Variants in RAP1B observed in about 807,000 individuals in gnomAD.
The protein encoded by RAP1B is ras-related protein Rap-1b.
A neutral mutation model predicts 27.5 loss-of-function variants in RAP1B; 1 was observed. The ratio of observed to expected loss-of-function variants is 0.04; its 90% confidence interval spans 0.01 to 0.17. The LOEUF is 0.17. Among genes scored for constraint, RAP1B ranks in the 10% least tolerant of loss-of-function variants. The pLI is 1.00. For synonymous variants in RAP1B, 75 were observed against 73.1 expected, an observed-to-expected ratio of 1.03 and a Z score of -0.13; for missense variants, 84 against 214.8, an observed-to-expected ratio of 0.39 and a Z score of 3.81.
At chr12:68,627,169 G>A (rs941074905) in intron 1 of RAP1B, 6 of 1,558,678 alleles carry the variant, frequency 3.8e-6, no homozygotes, top group Middle Eastern at 2.2e-4. Context: ...AAGGCACCTC[G>A]CATGCCTGTT....
chr12:68,632,946 A>G (rs971152658), intron 1 of RAP1B, among the ~76,000 whole-genome samples: 2 of 152,192 alleles, frequency 1.3e-5, no homozygotes, highest in Admixed American at 6.5e-5. Context: ...AACTGGGACT[A>G]TAGATGTGAG....
rs1327580825 is a variant in RAP1B at position 68,645,807 on chromosome 12, A to G, written c.-26-2892A>G. The stretch of plus-strand genomic sequence containing the variant: ...CACAGATTTGAAAAATACTGATTCA[A>G]ATCTTGACTATTGTACTGTTGGGTT... On this transcript the variant is annotated intron_variant, in intron 1 of 7. Coordinates refer to ENST00000250559, the MANE Select transcript of RAP1B (RefSeq NM_001010942.3). Among the ~76,000 whole-genome samples the G allele has an allele frequency of 2.6e-5, 4 of 152,222 alleles. No individual in the cohort carries two copies. In the East Asian group the frequency reaches 5.8e-4, roughly 22 times the overall value.
At chr12:68,656,477 C>T in intron 6 of RAP1B, 28 bp downstream of exon 6, 1 of 1,578,824 alleles carries the variant, frequency 6.3e-7, no homozygotes, top group Non-Finnish European at 8.7e-7. Flanking sequence ...TAAAATGGGT[C>T]TTCATTTGAA....
At position 68,669,235 on chromosome 12, in the gene RAP1B, ACT is replaced by A. The variant is rs1247688516; in HGVS notation, c.*9989_*9990del. 1.3e-5 allele frequency: 2 copies of A among 152,192 alleles called. No individual in the cohort carries two copies. Among genetic ancestry groups the A allele is most frequent in the African/African-American group, 4.8e-5 (2 of 41,452 alleles). The allele number at this position is 152,192 out of a possible 1,614,324, so 9.4% of individuals were successfully genotyped here. ...TAAGGCTAAGAAAGAACTATTATAA[ACT>A]CTTATTGAAGGACATAAATCAAGAT... is the stretch of plus-strand genomic sequence containing the variant. On this transcript the variant is annotated 3_prime_UTR_variant, in exon 8 of 8. Coordinates refer to ENST00000250559, the MANE Select transcript of RAP1B (RefSeq NM_001010942.3).
chr12:68,630,347 A>G (rs912869571), intron 1 of RAP1B, among the ~76,000 whole-genome samples: 1 of 152,230 alleles, frequency 6.6e-6, no homozygotes, highest in Admixed American at 6.5e-5. Context: ...ACAAGACACA[A>G]CAAATGAACT....
chr12:68,667,047 A>G lies in RAP1B; in HGVS notation c.*7798A>G, dbSNP rs1874883929. On this transcript the variant is annotated 3_prime_UTR_variant, in exon 8 of 8. Transcript: ENST00000250559. ...AATTACCTTCTACTTGTGTCAGTAT[A>G]TATCCTGCCTACCCTACATATTTTA... 6.6e-6 allele frequency: 1 copy of G among 152,214 alleles called. No homozygotes were observed. The highest frequency in any genetic ancestry group is 2.4e-5 in the African/African-American group (1 of 41,448). 9.4% of individuals were successfully genotyped at this position (152,214 alleles called of 1,614,324 possible).
chr12:68,616,754 A>C (rs1233849806), intron 1 of RAP1B, among the ~76,000 whole-genome samples: 2 of 151,534 alleles, frequency 1.3e-5, no homozygotes, highest in African/African-American at 4.9e-5. Context: ...TTTTTTGTAG[A>C]GACGTTTCGC....
In RAP1B at chr12:68,648,994, T is replaced by C. The variant is rs1446642624; in HGVS notation, c.57+213T>C. 10 of 494,170 alleles carry C rather than the reference T, an allele frequency of 2.0e-5. 1 individual carries two copies. The South Asian group carries it at 3.3e-4, about 16-fold the overall frequency. The allele number at this position is 494,170 out of a possible 1,614,324, so 30.6% of individuals were successfully genotyped here. ...ATTGACTCCAGAATGACACGAGTTA[T>C]GCTGGAATACAATTTGAGCTAAGCA... On this transcript the variant is annotated intron_variant, in intron 2 of 7. Coordinates refer to ENST00000250559, the MANE Select transcript of RAP1B (RefSeq NM_001010942.3).
At chr12:68,628,800 C>G (rs1189816534) in intron 1 of RAP1B, among the ~76,000 whole-genome samples, 3 of 152,142 alleles carry the variant, frequency 2.0e-5, no homozygotes, top group African/African-American at 7.2e-5. Context: ...TTTACAGTTA[C>G]ACTAACCACA....
At position 68,648,701 on chromosome 12, in the gene RAP1B, A is replaced by G; in HGVS notation, c.-24A>G. ...TTTTTTTTTTTTCCTTTAATAAGGT[A>G]CTAGGTTTTGACAAGCTTGCATCAT... On this transcript the variant is annotated splice_region_variant and 5_prime_UTR_variant, in exon 2 of 8. Transcript: ENST00000250559. 2 of 1,604,746 alleles carry G rather than the reference A, an allele frequency of 1.2e-6. No individual in the cohort carries two copies.
chr12:68,622,686 T>C (rs1193863702), intron 1 of RAP1B, among the ~76,000 whole-genome samples: 1 of 152,238 alleles, frequency 6.6e-6, no homozygotes, highest in Admixed American at 6.5e-5. Context: ...TGTTTGCCTC[T>C]CATCCCCTCT....
chr12:68,650,616 A>ATAGT, intron 3 of RAP1B, 148 bp downstream of exon 3: 2 of 727,356 alleles, frequency 2.7e-6, no homozygotes, highest in Non-Finnish European at 3.9e-6. Context: ...CTGGCATTGC[A>ATAGT]TAGTTACCAG....
intron 1 of RAP1B, among the ~76,000 whole-genome samples, chr12:68,618,010 G>A (rs1664725840): frequency 7.0e-6 from 1 of 143,348 alleles, no homozygotes; most frequent in Non-Finnish European, 1.5e-5. Context: ...TAATCTGCCC[G>A]CCTCCACCTC....
Position 68,669,292 on chromosome 12 carries a change from A to C in RAP1B, c.*10043A>C, listed in dbSNP as rs1018354004. 1 of 152,262 alleles carries C rather than the reference A, an allele frequency of 6.6e-6. No individual in the cohort carries two copies. Among genetic ancestry groups the C allele is most frequent in the African/African-American group, 2.4e-5 (1 of 41,476 alleles). The allele number at this position is 152,262 out of a possible 1,614,324, so 9.4% of individuals were successfully genotyped here. A position where few individuals can be genotyped will look rare whatever the true frequency, so the allele number is the denominator to read the frequency against. ...ACAAATACACTGGGAAGATAATATC[A>C]TAAAAATATCAATTCCCCCAAATTA... is the stretch of plus-strand genomic sequence containing the variant. On this transcript the variant is annotated 3_prime_UTR_variant, in exon 8 of 8. Coordinates refer to ENST00000250559, the MANE Select transcript of RAP1B (RefSeq NM_001010942.3).
chr12:68,618,237 C>T (rs1871158185), intron 1 of RAP1B, among the ~76,000 whole-genome samples: 1 of 151,932 alleles, frequency 6.6e-6, no homozygotes, highest in Admixed American at 6.6e-5. Flanking sequence ...CAGGCATGCG[C>T]CACCACGCCT....
Position 68,648,763 on chromosome 12 carries a change from C to T in RAP1B, c.39C>T (p.Gly13=), listed in dbSNP as rs760590956. The part of the protein sequence containing the change: ...EYKLVVLGSG[G]VGKSALTVQF... Reference sequence around the variant, plus strand: ...AGCTAGTCGTTCTTGGCTCAGGAGGCGTTGGAAAGTCTGCTTTGGTAAGTC... The same window carrying T: ...AGCTAGTCGTTCTTGGCTCAGGAGGTGTTGGAAAGTCTGCTTTGGTAAGTC... The change falls in exon 2 of 8, where the codon GGC becomes GGT. Residue 13 remains glycine (G), a synonymous_variant. Transcript: ENST00000250559. 10 of 1,611,326 alleles carry T rather than the reference C, an allele frequency of 6.2e-6. No individual in the cohort carries two copies. The highest frequency in any genetic ancestry group is 1.7e-5 in the Admixed American group (1 of 59,416).
chr12:68,618,894 C>G (rs1871206362), intron 1 of RAP1B, among the ~76,000 whole-genome samples: 1 of 152,050 alleles, frequency 6.6e-6, no homozygotes, highest in Non-Finnish European at 1.5e-5. Context: ...CCTCCCAGCA[C>G]TTTGGGAGGC....
At position 68,666,220 on chromosome 12, in the gene RAP1B, T is replaced by C. The variant is rs1344660114; in HGVS notation, c.*6971T>C. 7.2e-5 allele frequency: 11 copies of C among 152,254 alleles called. No individual in the cohort carries two copies. The highest frequency in any genetic ancestry group is 2.7e-4 in the African/African-American group (11 of 41,466). The allele number at this position is 152,254 out of a possible 1,614,324, so 9.4% of individuals were successfully genotyped here. ...CCAGTAATGTAAACTTTATTTTCTCTCAATTTTCGTAAGTGGTATTTTGGT... is the reference window on the plus strand; with the variant it reads ...CCAGTAATGTAAACTTTATTTTCTCCCAATTTTCGTAAGTGGTATTTTGGT... On this transcript the variant is annotated 3_prime_UTR_variant, in exon 8 of 8. Transcript: ENST00000250559.
Position 68,665,096 on chromosome 12 carries a change from C to G in RAP1B, c.*5847C>G, listed in dbSNP as rs1874792468. 1 of 152,128 alleles carries G rather than the reference C, an allele frequency of 6.6e-6. No homozygotes were observed. The highest frequency in any genetic ancestry group is 2.1e-4 in the South Asian group (1 of 4,824). 9.4% of individuals were successfully genotyped at this position (152,128 alleles called of 1,614,324 possible). ...TTGAGCTCCGGTGGTTTGAGGCCAGCATGGATAACATAGGGAGACCCTGTC... is the reference window on the plus strand; with the variant it reads ...TTGAGCTCCGGTGGTTTGAGGCCAGGATGGATAACATAGGGAGACCCTGTC... On this transcript the variant is annotated 3_prime_UTR_variant, in exon 8 of 8. Transcript: ENST00000250559.
Sources: allele counts gnomAD v4.1 joint callset (sites outside exome capture counted in the v4.1 genomes callset), GRCh38; gene constraint gnomAD v4.1.1; transcripts MANE v1.5; gene names NCBI Gene and HGNC (gene_info 2026-07-23, HGNC 2026-07-21).